Variants in LGR4 observed in about 807,000 individuals in gnomAD.
The protein encoded by LGR4 is leucine rich repeat containing G protein-coupled receptor 4.
LGR4 carries 44 observed loss-of-function variants against 84.8 expected under a neutral mutation model. That is an observed-to-expected ratio of 0.52 (90% confidence interval 0.41 to 0.67). The LOEUF is 0.67. Among genes scored for constraint, LGR4 ranks in the 30% least tolerant of loss-of-function variants. LGR4 has a pLI of 0.00. For missense variants in LGR4, 1,032 were observed against 1,131.4 expected, an observed-to-expected ratio of 0.91 and a Z score of 1.26; for synonymous variants, 429 against 434.3, an observed-to-expected ratio of 0.99 and a Z score of 0.15.
chr11:27,421,222 C>T (rs1483784180), intron 1 of LGR4, among the ~76,000 whole-genome samples: 1 of 152,142 alleles, frequency 6.6e-6, no homozygotes, highest in Non-Finnish European at 1.5e-5. Flanking sequence ...AAGGCCCTTT[C>T]TAAATCTATC....
Position 27,368,438 on chromosome 11 carries a change from G to A in LGR4, c.2285C>T (p.Pro762Leu), listed in dbSNP as rs1239179764. Reference sequence around the variant, plus strand: ...TGGTGCAAATGAAAAAAACGCCACAGGGCAGAAAAAGATGCAATTGGTGAA... The same window carrying A: ...TGGTGCAAATGAAAAAAACGCCACAAGGCAGAAAAAGATGCAATTGGTGAA... Reference protein sequence around the residue: ...LIFTNCIFFCPVAFFSFAPLI... With the variant: ...LIFTNCIFFCLVAFFSFAPLI... The change falls in exon 18 of 18, where the codon CCT becomes CTT. Residue 762 changes from proline (P) to leucine (L), a missense_variant. Transcript: ENST00000379214. The A allele has an allele frequency of 6.2e-7, 1 of 1,614,162 alleles. No homozygotes were observed. Among genetic ancestry groups the A allele is most frequent in the South Asian group, 1.1e-5 (1 of 91,084 alleles).
At chr11:27,390,932 C>T (rs1053046183) in intron 4 of LGR4, among the ~76,000 whole-genome samples, 162 bp downstream of exon 4, 3 of 152,196 alleles carry the variant, frequency 2.0e-5, no homozygotes, top group Non-Finnish European at 4.4e-5. Context: ...GAACCACCTC[C>T]TTCTCCCTCA....
intron 1 of LGR4, among the ~76,000 whole-genome samples, chr11:27,418,701 T>C (rs1205787216): frequency 1.3e-5 from 2 of 152,182 alleles, no homozygotes; most frequent in Non-Finnish European, 2.9e-5. Flanking sequence ...CTAAGTATAA[T>C]CTTTCTTAAC....
chr11:27,446,736 G>A (rs967660823), intron 1 of LGR4, among the ~76,000 whole-genome samples: 94 of 152,222 alleles, frequency 6.2e-4, no homozygotes, highest in Admixed American at 2.6e-3. Context: ...ACATGCACAC[G>A]TATGTTTATT....
intron 1 of LGR4, among the ~76,000 whole-genome samples, chr11:27,420,330 C>T (rs190637787): frequency 6.4e-4 from 98 of 152,218 alleles, no homozygotes; most frequent in East Asian, 1.9e-4. Context: ...TTCATTATCT[C>T]TTTACTGAGC....
intron 17 of LGR4, 110 bp from the exon 18 acceptor site, chr11:27,369,253 T>C: frequency 2.3e-6 from 2 of 860,584 alleles, no homozygotes. Context: ...TTAAATCTGC[T>C]CTCTACTTGA....
intron 3 of LGR4, among the ~76,000 whole-genome samples, chr11:27,391,950 C>T (rs1863294336): frequency 6.6e-6 from 1 of 152,130 alleles, no homozygotes; most frequent in African/African-American, 2.4e-5. Context: ...CACCTGTTTC[C>T]TAATCTGCCA....
intron 1 of LGR4, among the ~76,000 whole-genome samples, chr11:27,421,308 T>G (rs1863919430): frequency 6.6e-6 from 1 of 152,202 alleles, no homozygotes; most frequent in African/African-American, 2.4e-5. Flanking sequence ...AACCCTTAGA[T>G]TCATGCTTTT....
At chr11:27,467,696 C>CTCAT (rs1864804466) in intron 1 of LGR4, among the ~76,000 whole-genome samples, 1 of 152,074 alleles carries the variant, frequency 6.6e-6, no homozygotes, top group Non-Finnish European at 1.5e-5. Flanking sequence ...AAGAATATGA[C>CTCAT]TCATTCAAGG....
intron 1 of LGR4, among the ~76,000 whole-genome samples, chr11:27,449,301 A>G (rs67680422): frequency 0.22 from 32,825 of 152,142 alleles, 3,917 homozygotes; most frequent in African/African-American, 0.32. Context: ...GTCAAATGTC[A>G]GCCAGGCGAG....
intron 1 of LGR4, among the ~76,000 whole-genome samples, chr11:27,470,673 TAA>T (rs1178472126): frequency 6.6e-6 from 1 of 150,846 alleles, no homozygotes; most frequent in Non-Finnish European, 1.5e-5. Flanking sequence ...ACTGCAAAGT[TAA>T]CTTTTTTTTT....
rs1304260259 is a variant in LGR4 at position 27,472,464 on chromosome 11, G to T, written c.-162C>A. On this transcript the variant is annotated 5_prime_UTR_variant, in exon 1 of 18. Coordinates refer to ENST00000379214, the MANE Select transcript of LGR4 (RefSeq NM_018490.5). ...GGCCCCTTCAGCAGTCCGCCGCAGC[G>T]GCGCAGGGACGCGGCGCTCCGGAGT... is the stretch of plus-strand genomic sequence containing the variant. 2 of 433,940 alleles carry T rather than the reference G, an allele frequency of 4.6e-6. No individual in the cohort carries two copies. Among genetic ancestry groups the T allele is most frequent in the East Asian group, 7.4e-5 (2 of 26,860 alleles). 26.9% of individuals were successfully genotyped at this position (433,940 alleles called of 1,614,324 possible). A position where few individuals can be genotyped will look rare whatever the true frequency, so the allele number is the denominator to read the frequency against.
chr11:27,385,204 G>A lies in LGR4; in HGVS notation c.617+49C>T, dbSNP rs767277101. ...AATCTGTCAGAAGAAATCTGTTTTT[G>A]TACCCCAATTAACACAAATATATGG... On this transcript the variant is annotated intron_variant, in intron 5 of 17. Transcript: ENST00000379214. 3 of 1,288,284 alleles carry A rather than the reference G, an allele frequency of 2.3e-6. No homozygotes were observed. The Admixed American group carries it at 7.6e-5, about 33-fold the overall frequency. The allele number at this position is 1,288,284 out of a possible 1,614,324, so 79.8% of individuals were successfully genotyped here.
intron 2 of LGR4, among the ~76,000 whole-genome samples, chr11:27,410,479 T>G (rs1373451324): frequency 1.3e-5 from 2 of 152,126 alleles, no homozygotes; most frequent in Non-Finnish European, 2.9e-5. Context: ...TTTGGCTTCA[T>G]GATCACTCTT....
intron 2 of LGR4, among the ~76,000 whole-genome samples, chr11:27,410,318 C>T (rs561274396): frequency 1.3e-4 from 20 of 152,070 alleles, no homozygotes; most frequent in African/African-American, 4.8e-4. Flanking sequence ...CTTCTGTATT[C>T]TTGGGAAGTG....
intron 1 of LGR4, among the ~76,000 whole-genome samples, chr11:27,441,491 G>T (rs773558207): frequency 2.6e-5 from 4 of 152,104 alleles, no homozygotes; most frequent in South Asian, 2.1e-4. Flanking sequence ...AGACAACAGG[G>T]TAAGAGGGTT....
intron 1 of LGR4, among the ~76,000 whole-genome samples, chr11:27,422,969 A>G (rs907691812): frequency 6.6e-6 from 1 of 152,190 alleles, no homozygotes; most frequent in Non-Finnish European, 1.5e-5. Context: ...CCTGGGTTCT[A>G]TTGAGTTTTT....
chr11:27,472,085 C>CT lies in LGR4; in HGVS notation c.185+32_185+33insA, dbSNP rs1864886070. 7.3e-6 allele frequency: 8 copies of CT among 1,101,968 alleles called. No individual in the cohort carries two copies. In the South Asian group the frequency reaches 2.1e-4, roughly 29 times the overall value. The allele number at this position is 1,101,968 out of a possible 1,614,324, so 68.3% of individuals were successfully genotyped here. On this transcript the variant is annotated intron_variant, in intron 1 of 17. Coordinates refer to ENST00000379214, the MANE Select transcript of LGR4 (RefSeq NM_018490.5). ...GCCCCCCGCTGGGCCCCGTTTCCTC[C>CT]CCCCCCCTCGCGTCCCCGCCGCCCG...
chr11:27,395,118 A>T (rs942507948), intron 2 of LGR4, among the ~76,000 whole-genome samples: 4 of 152,160 alleles, frequency 2.6e-5, no homozygotes, highest in Non-Finnish European at 4.4e-5. Flanking sequence ...ACATTTTAAA[A>T]GATCAAATTG....
Sources: allele counts gnomAD v4.1 joint callset (sites outside exome capture counted in the v4.1 genomes callset), GRCh38; gene constraint gnomAD v4.1.1; transcripts MANE v1.5; gene names NCBI Gene and HGNC (gene_info 2026-07-23, HGNC 2026-07-21).